Variants in FRMD4B observed in about 807,000 individuals in gnomAD.
FRMD4B encodes the protein FERM domain-containing protein 4B.
Under a neutral mutation model 141.5 loss-of-function variants are expected in FRMD4B, and 74 were observed. The ratio of observed to expected loss-of-function variants is 0.52; its 90% CI spans 0.43 to 0.63. FRMD4B has a LOEUF of 0.63. FRMD4B is among the 30% of genes least tolerant of loss of function. The pLI is 0.00. For synonymous variants in FRMD4B, 506 were observed against 467.9 expected (o/e 1.08, Z -1.05); for missense variants, 1,366 against 1,253.4 (o/e 1.09, Z -1.36).
chr3:69,176,427 A>G (rs888027045), intron 22 of FRMD4B, 97 bp downstream of exon 22: 3 of 1,040,704 alleles, frequency 2.9e-6, no homozygotes, highest in South Asian at 1.4e-5. Context: ...GAGTTTGCCA[A>G]CCCCTGAACT....
chr3:69,461,710 T>C (rs933146466), intron 1 of FRMD4B, among the ~76,000 whole-genome samples: 5 of 151,518 alleles, frequency 3.3e-5, no homozygotes, highest in Non-Finnish European at 7.4e-5. Flanking sequence ...GGGGTGTTTA[T>C]AATATTTGGC....
chr3:69,297,851 AT>A (rs1701081937), intron 4 of FRMD4B, among the ~76,000 whole-genome samples: 1 of 152,320 alleles, frequency 6.6e-6, no homozygotes, highest in Middle Eastern at 3.4e-3. Context: ...ACCTAAATAA[AT>A]TATGGTGCGT....
rs569471235 is a variant in FRMD4B at position 69,408,134 on chromosome 3, C to A, written c.-1+24500G>T. ...TTTACAAAACAGGCCATGGCCAACC[C>A]CAATCTAGATCGTGAGAGAGATGGG... On this transcript the variant is annotated intron_variant, in intron 2 of 5. Coordinates refer to the FRMD4B transcript ENST00000459638. Among the ~76,000 whole-genome samples, 82 of 152,136 alleles carry A rather than the reference C, an allele frequency of 5.4e-4. 1 individual carries two copies. The highest frequency in any genetic ancestry group is 9.9e-4 in the Non-Finnish European group (67 of 68,004).
chr3:69,189,245 A>AAAG (rs1553696997), intron 18 of FRMD4B, among the ~76,000 whole-genome samples: 12 of 149,048 alleles, frequency 8.1e-5, no homozygotes, highest in African/African-American at 2.7e-4. Flanking sequence ...AAAAAAAAAA[A>AAAG]AGAGAGAGAG....
chr3:69,275,377 G>A (rs531661792), intron 5 of FRMD4B, among the ~76,000 whole-genome samples: 1 of 151,874 alleles, frequency 6.6e-6, no homozygotes, highest in South Asian at 2.1e-4. Flanking sequence ...TGGGAAAAAT[G>A]CCCAAGTGTT....
At chr3:69,373,419 A>C (rs963371923) in intron 1 of FRMD4B, among the ~76,000 whole-genome samples, 1 of 152,242 alleles carries the variant, frequency 6.6e-6, no homozygotes, top group Non-Finnish European at 1.5e-5. Flanking sequence ...TCTAAGCTCC[A>C]ATCTTTGCTC....
At chr3:69,486,006 G>A (rs907410596) in intron 1 of FRMD4B, among the ~76,000 whole-genome samples, 1 of 152,190 alleles carries the variant, frequency 6.6e-6, no homozygotes. Context: ...TCTAGATTGA[G>A]ATACAATGCA....
chr3:69,388,945 G>A (rs907206523), upstream of FRMD4B, among the ~76,000 whole-genome samples: 1 of 151,812 alleles, frequency 6.6e-6, no homozygotes, highest in South Asian at 2.1e-4. Flanking sequence ...CACAAGAATA[G>A]TGTACATTGT....
intron 22 of FRMD4B, among the ~76,000 whole-genome samples, chr3:69,172,501 G>A (rs763523942): frequency 6.6e-6 from 1 of 152,078 alleles, no homozygotes; most frequent in Non-Finnish European, 1.5e-5. Flanking sequence ...TTACTTGTGT[G>A]ACAGCTATAT....
chr3:69,321,324 T>A (rs936517369), intron 1 of FRMD4B, among the ~76,000 whole-genome samples: 9 of 152,218 alleles, frequency 5.9e-5, no homozygotes, highest in African/African-American at 2.2e-4. Context: ...CAGAAACATA[T>A]GAAATTGGTA....
chr3:69,482,826 ACT>A (rs1706151857), intron 1 of FRMD4B, among the ~76,000 whole-genome samples: 1 of 151,966 alleles, frequency 6.6e-6, no homozygotes, highest in Non-Finnish European at 1.5e-5. Flanking sequence ...GTAAACTGTT[ACT>A]CTTTTTTGGT....
At chr3:69,286,309 T>C (rs536233176) in intron 5 of FRMD4B, among the ~76,000 whole-genome samples, 1 of 152,224 alleles carries the variant, frequency 6.6e-6, no homozygotes, top group Non-Finnish European at 1.5e-5. Flanking sequence ...ACAAAAATAA[T>C]AATGTCATGT....
chr3:69,359,219 C>T (rs1703406338), intron 1 of FRMD4B, among the ~76,000 whole-genome samples: 1 of 151,974 alleles, frequency 6.6e-6, no homozygotes, highest in Admixed American at 6.6e-5. Flanking sequence ...GAAAATAAAG[C>T]AGGAGGACAT....
At chr3:69,220,295 T>C (rs140510143) in intron 9 of FRMD4B, among the ~76,000 whole-genome samples, 322 of 152,282 alleles carry the variant, frequency 2.1e-3, no homozygotes, top group African/African-American at 7.1e-3. Context: ...CAATGGTAAG[T>C]ATTTGAGTAT....
intron 1 of FRMD4B, among the ~76,000 whole-genome samples, chr3:69,523,827 T>C (rs1051848720): frequency 3.3e-5 from 5 of 152,118 alleles, no homozygotes; most frequent in African/African-American, 9.7e-5. Context: ...ATGCTGACAA[T>C]GAAGACATTC....
intron 2 of FRMD4B, among the ~76,000 whole-genome samples, chr3:69,430,202 G>A (rs1705156846): frequency 6.6e-6 from 1 of 152,082 alleles, no homozygotes; most frequent in African/African-American, 2.4e-5. Flanking sequence ...TTAAGATATT[G>A]ACAATTCCAC....
At chr3:69,308,720 G>A (rs1701475035) in intron 3 of FRMD4B, among the ~76,000 whole-genome samples, 1 of 152,120 alleles carries the variant, frequency 6.6e-6, no homozygotes, top group Non-Finnish European at 1.5e-5. Context: ...GATTAGAGGT[G>A]TGAGCCACTG....
intron 18 of FRMD4B, 42 bp downstream of exon 18, chr3:69,189,854 A>G (rs1461640253): frequency 8.4e-7 from 1 of 1,185,426 alleles, no homozygotes. Context: ...ATTATTTCAG[A>G]ATATCTAACA....
chr3:69,225,719 AAAAAAAAAAGAG>A (rs1328195211), intron 7 of FRMD4B, among the ~76,000 whole-genome samples: 2 of 71,554 alleles, frequency 2.8e-5, no homozygotes, highest in African/African-American at 4.2e-5. Flanking sequence ...AAAAAAAAAA[AAAAAAAAAAGAG>A]GGAGAACACG....
Sources: allele counts gnomAD v4.1 joint callset (sites outside exome capture counted in the v4.1 genomes callset), GRCh38; gene constraint gnomAD v4.1.1; transcripts MANE v1.5; gene names NCBI Gene and HGNC (gene_info 2026-07-23, HGNC 2026-07-21).